Variants in MAD1L1 observed in about 807,000 individuals in gnomAD.
MAD1L1 encodes mitotic arrest deficient 1 like 1.
Under a neutral mutation model 96.9 loss-of-function variants are expected in MAD1L1, and 95 were observed. That is an observed-to-expected ratio of 0.98 (90% CI 0.83 to 1.16). The LOEUF is 1.16. Among genes scored for constraint, MAD1L1 ranks in the 50% most tolerant of loss-of-function variants. MAD1L1 has a pLI of 0.00. For synonymous variants in MAD1L1, 473 were observed against 396.6 expected (o/e 1.19, Z -2.29); for missense variants, 1,007 against 954.4 (o/e 1.06, Z -0.73).
intron 12 of MAD1L1, among the ~76,000 whole-genome samples, chr7:2,067,220 T>A (rs34571717): frequency 2.8e-5 from 3 of 108,874 alleles, no homozygotes; most frequent in Non-Finnish European, 5.3e-5. Flanking sequence ...CATCAGGCCA[T>A]GTTCGCAGGC....
chr7:2,225,030 T>C (rs993718863), intron 4 of MAD1L1, among the ~76,000 whole-genome samples: 2 of 152,218 alleles, frequency 1.3e-5, no homozygotes, highest in African/African-American at 4.8e-5. Flanking sequence ...CAAAAGAATC[T>C]GTGCCAGCAC....
At chr7:2,035,181 G>T (rs1199132824) in intron 12 of MAD1L1, among the ~76,000 whole-genome samples, 1 of 152,248 alleles carries the variant, frequency 6.6e-6, no homozygotes, top group African/African-American at 2.4e-5. Context: ...ACAACCCCAG[G>T]GACACGCAGA....
intron 17 of MAD1L1, among the ~76,000 whole-genome samples, chr7:1,928,776 T>C (rs1245797430): frequency 6.6e-6 from 1 of 152,088 alleles, no homozygotes; most frequent in Non-Finnish European, 1.5e-5. Context: ...CACAGGCCTG[T>C]GCCACGTGAG....
chr7:2,077,039 AC>A (rs1481992358), intron 11 of MAD1L1, among the ~76,000 whole-genome samples: 49 of 146,544 alleles, frequency 3.3e-4, no homozygotes, highest in African/African-American at 1.3e-3. Flanking sequence ...AGACAGAGTT[AC>A]GACTTGGTGA....
At chr7:2,105,375 C>T (rs770327579) in intron 11 of MAD1L1, among the ~76,000 whole-genome samples, 6 of 147,254 alleles carry the variant, frequency 4.1e-5, no homozygotes, top group Non-Finnish European at 9.0e-5. Flanking sequence ...CCGCAGAAAC[C>T]GCAGTGCCCT....
chr7:1,904,502 G>A (rs1156848288), intron 17 of MAD1L1, among the ~76,000 whole-genome samples: 16 of 132,522 alleles, frequency 1.2e-4, no homozygotes, highest in Non-Finnish European at 1.2e-4. Context: ...GTGGCCTATG[G>A]AAGATGCTCT....
chr7:2,222,657 C>A lies in MAD1L1; in HGVS notation c.389G>T (p.Arg130Leu), dbSNP rs201217913. 8.1e-6 allele frequency: 13 copies of A among 1,613,198 alleles called. No homozygotes were observed. The highest frequency in any genetic ancestry group is 2.2e-5 in the East Asian group (1 of 44,852). ...AEEKMQEQLE[R>L]NRQCQQNLDA... ...CAAGTTCTGCTGACACTGCCTGTTG[C>A]GCTCCAGCTGCTCCTGCATCTTCTC... Residue 130 changes from arginine to leucine, a missense_variant, in exon 5 of 19, where the codon CGC (arginine) becomes CTC (leucine). Physicochemically the swap from Arg to Leu is moderately radical, Grantham distance 102. Transcript: ENST00000265854.
chr7:1,882,363 G>A (rs776717892), intron 18 of MAD1L1, among the ~76,000 whole-genome samples: 1 of 152,220 alleles, frequency 6.6e-6, no homozygotes, highest in Non-Finnish European at 1.5e-5. Flanking sequence ...CAATTCAGGG[G>A]ACCCAGAGAG....
intron 17 of MAD1L1, among the ~76,000 whole-genome samples, chr7:1,904,433 A>G (rs1316781749): frequency 4.2e-4 from 39 of 93,208 alleles, no homozygotes; most frequent in African/African-American, 4.5e-4. Context: ...GTGGCCTATG[A>G]AAGATGCTCT....
chr7:1,922,551 T>C (rs1330022365), intron 17 of MAD1L1, among the ~76,000 whole-genome samples: 1 of 152,222 alleles, frequency 6.6e-6, no homozygotes, highest in Non-Finnish European at 1.5e-5. Flanking sequence ...GACTCGTTTT[T>C]ATCTTGTGAT....
At chr7:2,188,846 A>G (rs942560860) in intron 10 of MAD1L1, among the ~76,000 whole-genome samples, 2 of 152,232 alleles carry the variant, frequency 1.3e-5, no homozygotes, top group African/African-American at 4.8e-5. Flanking sequence ...ATCTTGGTAA[A>G]TTTTTAAATT....
intron 11 of MAD1L1, among the ~76,000 whole-genome samples, chr7:2,145,915 C>A (rs1026843008): frequency 3.9e-5 from 6 of 152,338 alleles, no homozygotes; most frequent in Middle Eastern, 3.4e-3. Context: ...GCTTCACGGA[C>A]GTGGACATGT....
intron 10 of MAD1L1, among the ~76,000 whole-genome samples, chr7:2,205,833 A>G (rs955656264): frequency 2.0e-5 from 3 of 152,164 alleles, no homozygotes; most frequent in African/African-American, 7.2e-5. Context: ...CTTCTCTTGT[A>G]AAGTATCTGT....
intron 18 of MAD1L1, among the ~76,000 whole-genome samples, chr7:1,817,259 C>G (rs1251003081): frequency 6.6e-6 from 1 of 152,134 alleles, no homozygotes; most frequent in Non-Finnish European, 1.5e-5. Context: ...GCGGCCACTG[C>G]AAACAGCCGG....
chr7:2,127,896 C>T (rs1261533551), intron 11 of MAD1L1, among the ~76,000 whole-genome samples: 1 of 152,162 alleles, frequency 6.6e-6, no homozygotes, highest in African/African-American at 2.4e-5. Context: ...CAGAGCCGGT[C>T]TGAACTGACT....
intron 10 of MAD1L1, among the ~76,000 whole-genome samples, chr7:2,210,739 C>A (rs1397718350): frequency 6.6e-6 from 1 of 152,244 alleles, no homozygotes; most frequent in Admixed American, 6.5e-5. Context: ...GGCAACCCAG[C>A]ACGTGAGGAA....
intron 18 of MAD1L1, among the ~76,000 whole-genome samples, chr7:1,859,448 G>A (rs1583577537): frequency 6.6e-6 from 1 of 152,244 alleles, no homozygotes; most frequent in Non-Finnish European, 1.5e-5. Context: ...AAAGGGCTTT[G>A]AAAAGTCAGT....
At chr7:1,885,642 G>A (rs999686498) in intron 18 of MAD1L1, among the ~76,000 whole-genome samples, 4 of 152,250 alleles carry the variant, frequency 2.6e-5, no homozygotes, top group South Asian at 4.1e-4. Context: ...CCCCAGTTCC[G>A]TCCACCTCTG....
chr7:2,083,004 G>T (rs562849583), intron 11 of MAD1L1, among the ~76,000 whole-genome samples: 1 of 152,194 alleles, frequency 6.6e-6, no homozygotes, highest in African/African-American at 2.4e-5. Flanking sequence ...GAGCTCCCCT[G>T]CCCGTCAATC....
Sources: gnomAD v4.1 joint callset for allele counts (sites outside exome capture counted in the v4.1 genomes callset) on GRCh38, gnomAD v4.1.1 for gene constraint, MANE v1.5 for transcripts, NCBI Gene and HGNC (gene_info 2026-07-23, HGNC 2026-07-21) for gene names.